Variants in XRCC1 observed in about 807,000 individuals in gnomAD.
XRCC1 encodes DNA repair protein XRCC1.
A neutral mutation model predicts 83.3 loss-of-function variants in XRCC1; 52 were observed. The observed-to-expected ratio is 0.62, with a 90% CI of 0.50 to 0.79. The LOEUF is 0.79. Among genes scored for constraint, XRCC1 ranks in the 30% least tolerant of loss-of-function variants. XRCC1 has a pLI of 0.00. For synonymous variants in XRCC1, 281 were observed against 312.6 expected (o/e 0.90, Z 1.07); for missense variants, 793 against 823.5 (o/e 0.96, Z 0.45).
intron 6 of XRCC1, 39 bp downstream of exon 6, chr19:43,553,362 C>T (rs2146052080): frequency 6.2e-7 from 1 of 1,606,220 alleles, no homozygotes; most frequent in Non-Finnish European, 8.5e-7. Flanking sequence ...GTCTAGGTCT[C>T]AACCCTACTC....
intron 15 of XRCC1, 55 bp downstream of exon 15, chr19:43,544,089 T>G: frequency 7.1e-7 from 1 of 1,403,734 alleles, no homozygotes; most frequent in Non-Finnish European, 9.8e-7. Flanking sequence ...AGCAGGTCCC[T>G]GAGCGTTCCC....
chr19:43,574,772 T>G (rs1005425287), intron 2 of XRCC1, 138 bp downstream of exon 2: 3 of 684,514 alleles, frequency 4.4e-6, no homozygotes, highest in Non-Finnish European at 5.2e-6. Flanking sequence ...ACAGGGATTA[T>G]GCTGCCCATT....
intron 2 of XRCC1, among the ~76,000 whole-genome samples, chr19:43,565,733 C>T (rs1158025715): frequency 6.6e-6 from 1 of 152,124 alleles, no homozygotes; most frequent in Non-Finnish European, 1.5e-5. Flanking sequence ...GCCAGGAGTT[C>T]GAGACCAGCC....
Position 43,543,665 on chromosome 19 carries a change from C to A in XRCC1, c.1735G>T (p.Asp579Tyr), listed in dbSNP as rs1600038674. 1 of 1,613,954 alleles carries A rather than the reference C, an allele frequency of 6.2e-7. No homozygotes were observed. Among genetic ancestry groups the A allele is most frequent in the East Asian group, 2.2e-5 (1 of 44,856 alleles). Residue 579 changes from aspartate to tyrosine, a missense_variant, in exon 16 of 17, where the codon GAC becomes TAC. Physicochemically the swap from Asp to Tyr is radical, Grantham distance 160 (BLOSUM62 -3). Transcript: ENST00000262887. Reference sequence around the variant, plus strand: ...GCTGTGATCACAAACTGAACCCGGTCACTCATATAGTCCTCGAGCTCCCTG... The same window carrying A: ...GCTGTGATCACAAACTGAACCCGGTAACTCATATAGTCCTCGAGCTCCCTG... ...FNGELEDYMS[D>Y]RVQFVITAQE...
chr19:43,560,703 C>T (rs1353274213), intron 3 of XRCC1, among the ~76,000 whole-genome samples: 1 of 152,162 alleles, frequency 6.6e-6, no homozygotes, highest in Non-Finnish European at 1.5e-5. Context: ...AGCCATGATC[C>T]AAACTTGCTC....
intron 2 of XRCC1, among the ~76,000 whole-genome samples, chr19:43,566,626 C>G (rs1349661098): frequency 2.0e-5 from 3 of 151,462 alleles, no homozygotes; most frequent in African/African-American, 7.3e-5. Flanking sequence ...CGCCTGTAAT[C>G]CCAACACTTT....
chr19:43,543,809 T>C (rs1053174726), intron 15 of XRCC1, 122 bp from the exon 16 acceptor site: 15 of 851,870 alleles, frequency 1.8e-5, no homozygotes, highest in African/African-American at 5.1e-5. Context: ...CTAGGTTGCC[T>C]CTAGGCTCCA....
intron 3 of XRCC1, among the ~76,000 whole-genome samples, chr19:43,557,846 G>A (rs529613552): frequency 2.3e-4 from 34 of 148,662 alleles, no homozygotes; most frequent in African/African-American, 8.1e-4. Context: ...GGAGGGGAGG[G>A]AGAATGGAAG....
chr19:43,561,520 C>T (rs1305396030), intron 2 of XRCC1, among the ~76,000 whole-genome samples: 1 of 152,190 alleles, frequency 6.6e-6, no homozygotes, highest in Non-Finnish European at 1.5e-5. Context: ...TACCAGTTAA[C>T]CTTTTGGAGC....
At chr19:43,566,489 G>A (rs1288102865) in intron 2 of XRCC1, among the ~76,000 whole-genome samples, 1 of 143,752 alleles carries the variant, frequency 7.0e-6, no homozygotes, top group Non-Finnish European at 1.5e-5. Context: ...CCAAGATCAT[G>A]CCACTGCATT....
chr19:43,555,753 C>A (rs1253257366), intron 3 of XRCC1, among the ~76,000 whole-genome samples: 1 of 152,122 alleles, frequency 6.6e-6, no homozygotes, highest in Non-Finnish European at 1.5e-5. Flanking sequence ...GTTACTGGTT[C>A]TTTCTATCAA....
At chr19:43,543,992 T>A in intron 15 of XRCC1, 152 bp downstream of exon 15, 1 of 776,966 alleles carries the variant, frequency 1.3e-6, no homozygotes, top group Non-Finnish European at 2.0e-6. Context: ...AAGCTAGCAT[T>A]CGGATTCCAT....
At chr19:43,543,772 C>T (rs1484658866) in intron 15 of XRCC1, 85 bp from the exon 16 acceptor site, 58 of 1,275,252 alleles carry the variant, frequency 4.5e-5, no homozygotes, top group Non-Finnish European at 6.5e-5. Context: ...CAATGGCTGT[C>T]CCCACACTGT....
intron 10 of XRCC1, among the ~76,000 whole-genome samples, chr19:43,548,029 C>T (rs1349507705): frequency 9.3e-5 from 5 of 53,820 alleles, no homozygotes; most frequent in Non-Finnish European, 1.5e-4. Flanking sequence ...TAGCAGGTTC[C>T]CGTCCGGGAG....
intron 14 of XRCC1, among the ~76,000 whole-genome samples, chr19:43,544,461 T>C (rs980198642): frequency 2.0e-5 from 3 of 152,008 alleles, no homozygotes; most frequent in Non-Finnish European, 4.4e-5. Flanking sequence ...ATGCCTATTA[T>C]TGTGATTTGT....
intron 10 of XRCC1, 89 bp from the exon 11 acceptor site, chr19:43,547,066 TACTC>T (rs1399966131): frequency 3.2e-5 from 40 of 1,266,314 alleles, no homozygotes; most frequent in Non-Finnish European, 4.4e-5. Context: ...TTTACTAAAA[TACTC>T]ACTCTAGTGG....
chr19:43,572,562 G>T (rs1316220724), intron 2 of XRCC1, among the ~76,000 whole-genome samples: 1 of 152,180 alleles, frequency 6.6e-6, no homozygotes, highest in Non-Finnish European at 1.5e-5. Context: ...CCAACATTTT[G>T]GGAGGCCAAG....
intron 2 of XRCC1, among the ~76,000 whole-genome samples, chr19:43,571,522 G>C (rs1475091403): frequency 6.6e-6 from 1 of 152,186 alleles, no homozygotes; most frequent in African/African-American, 2.4e-5. Flanking sequence ...TTGTTTTTAA[G>C]AGACAGCATC....
Position 43,552,870 on chromosome 19 carries a change from C to A in XRCC1, c.750G>T (p.Leu250Phe). ...ESPKGKRKLD[L>F]NQEEKKTPSK... Reference sequence around the variant, plus strand: ...TGGGGGTCTTCTTTTCTTCTTGGTTCAAATCCAACTTCCTCTTCCCTTTGG... The same window carrying A: ...TGGGGGTCTTCTTTTCTTCTTGGTTAAAATCCAACTTCCTCTTCCCTTTGG... Residue 250 changes from leucine (L) to phenylalanine (F), a missense_variant, in exon 8 of 17, where the codon TTG becomes TTT. By Grantham distance (22) the Leu-to-Phe change is conservative. Transcript: ENST00000262887. 1 of 1,613,696 alleles carries A rather than the reference C, an allele frequency of 6.2e-7. No homozygotes were observed. The highest frequency in any genetic ancestry group is 8.5e-7 in the Non-Finnish European group (1 of 1,179,830).
Sources: allele counts gnomAD v4.1 joint callset (sites outside exome capture counted in the v4.1 genomes callset), GRCh38; gene constraint gnomAD v4.1.1; transcripts MANE v1.5; gene names NCBI Gene and HGNC (gene_info 2026-07-23, HGNC 2026-07-21).